Variants in FOCAD observed in about 807,000 individuals in gnomAD.
FOCAD encodes KIAA1797.
A neutral mutation model predicts 225.6 loss-of-function variants in FOCAD; 198 were observed. The observed-to-expected ratio is 0.88, with a 90% CI of 0.78 to 0.99. The LOEUF (loss-of-function observed/expected upper bound fraction) is 0.99, where lower values mean the gene tolerates loss of function less well. Ranked by LOEUF, FOCAD falls within the 50% of genes least tolerant of loss-of-function variation. FOCAD has a pLI of 0.00. For synonymous variants in FOCAD, 897 were observed against 755.0 expected (o/e 1.19, Z -3.08); for missense variants, 2,713 against 2,123.6 (o/e 1.28, Z -5.46).
At chr9:20,968,431 C>CTTTTTTTTTTTTTT (rs35624897) in intron 35 of FOCAD, among the ~76,000 whole-genome samples, 4 of 43,636 alleles carry the variant, frequency 9.2e-5, no homozygotes, top group African/African-American at 1.7e-4. Context: ...TTTTCTTATT[C>CTTTTTTTTTTTTTT]TTTTTTTTTT....
intron 10 of FOCAD, among the ~76,000 whole-genome samples, chr9:20,786,700 T>C (rs1383673532): frequency 6.6e-6 from 1 of 152,236 alleles, no homozygotes; most frequent in East Asian, 1.9e-4. Flanking sequence ...AGAAGTACTA[T>C]CAGATGTTTA....
chr9:20,756,339 G>T (rs576076078), intron 5 of FOCAD, among the ~76,000 whole-genome samples: 6 of 152,214 alleles, frequency 3.9e-5, no homozygotes, highest in African/African-American at 1.4e-4. Flanking sequence ...AAACTGTGTG[G>T]TAGTGTCAGA....
chr9:20,890,470 A>G (rs1831519154), intron 21 of FOCAD, among the ~76,000 whole-genome samples: 1 of 150,872 alleles, frequency 6.6e-6, no homozygotes. Flanking sequence ...TGTTGATATG[A>G]TTACTTATTT....
chr9:20,949,542 A>G, intron 32 of FOCAD, 62 bp from the exon 33 acceptor site: 3 of 1,224,948 alleles, frequency 2.4e-6, no homozygotes, highest in Non-Finnish European at 1.2e-6. Flanking sequence ...ATGCACCGGG[A>G]ATATAACTCT....
chr9:20,815,571 C>G (rs1823644095), intron 11 of FOCAD, among the ~76,000 whole-genome samples: 1 of 144,896 alleles, frequency 6.9e-6, no homozygotes, highest in South Asian at 2.5e-4. Context: ...TCCCTTCTTG[C>G]TGGCAAGATT....
chr9:20,949,175 C>G (rs371992380), intron 32 of FOCAD, among the ~76,000 whole-genome samples: 17 of 152,218 alleles, frequency 1.1e-4, no homozygotes, highest in East Asian at 9.6e-4. Context: ...GTGCTCTCCA[C>G]AAATTTCCCT....
chr9:20,957,673 C>CTTTTTTTTTTTTT (rs775116988), intron 35 of FOCAD: 1 of 38,422 alleles, frequency 2.6e-5, no homozygotes, highest in African/African-American at 1.1e-4. Flanking sequence ...ATCTCTCTCT[C>CTTTTTTTTTTTTT]TTTTTTTTTT....
rs1286395652 is a variant in FOCAD at position 20,912,930 on chromosome 9, AC to A, written c.2784del (p.Tyr928Ter). 2 of 1,613,026 alleles carry A rather than the reference AC, an allele frequency of 1.2e-6. No individual in the cohort carries two copies. Among genetic ancestry groups the A allele is most frequent in the African/African-American group, 2.7e-5 (2 of 74,866 alleles). On this transcript the variant is annotated frameshift_variant, in exon 23 of 44. Coordinates refer to ENST00000338382, the MANE Select transcript of FOCAD (RefSeq NM_001375567.1). LOFTEE classifies it high-confidence loss of function. ...HGKEEPEEVQYKKSTAWLWVR... is the reference protein window; with the variant it reads ...HGKEEPEEVQXKKSTAWLWVR... ...AAAGAAGAACCTGAGGAGGTGCAGT[AC>A]AAAAAAAGCACAGCCTGGCTCTGGT...
At chr9:20,752,415 A>T (rs932750518) in intron 5 of FOCAD, among the ~76,000 whole-genome samples, 16 of 152,056 alleles carry the variant, frequency 1.1e-4, no homozygotes, top group Admixed American at 9.8e-4. Flanking sequence ...TTAAATAGGG[A>T]ATCCTTTCCC....
Position 20,982,401 on chromosome 9 carries a change from A to G in FOCAD, c.4683A>G (p.Leu1561=), listed in dbSNP as rs1183291939. 1.2e-6 allele frequency: 2 copies of G among 1,614,000 alleles called. No individual in the cohort carries two copies. The highest frequency in any genetic ancestry group is 1.7e-6 in the Non-Finnish European group (2 of 1,179,904). ...ATATCAGCATAGCAAAATGCCTCTT[A>G]GAAATGACAGATGATGATGCCAATC... ...ELYISIAKCL[L]EMTDDDANRI... is the part of the protein sequence containing the mutation. The change falls in exon 39 of 44, where the codon TTA becomes TTG. Residue 1561 remains leucine, a synonymous_variant. Coordinates refer to ENST00000338382, the MANE Select transcript of FOCAD (RefSeq NM_001375567.1).
chr9:20,820,311 C>A lies in FOCAD; in HGVS notation c.1561-13C>A. On this transcript the variant is annotated splice_polypyrimidine_tract_variant and intron_variant, in intron 12 of 43. Transcript: ENST00000338382. The stretch of plus-strand genomic sequence containing the variant: ...CAAGTTTATGCAACTAGAGTTTCTT[C>A]AATATTTTCTAGGTGTGTATAGGAC... 1 of 1,585,736 alleles carries A rather than the reference C, an allele frequency of 6.3e-7. No individual in the cohort carries two copies.
At chr9:20,962,963 A>G (rs1309925082) in intron 35 of FOCAD, among the ~76,000 whole-genome samples, 1 of 152,218 alleles carries the variant, frequency 6.6e-6, no homozygotes, top group Non-Finnish European at 1.5e-5. Flanking sequence ...TCTCTGGGGA[A>G]GGAACTAGTT....
At chr9:20,881,545 A>G (rs907573568) in intron 19 of FOCAD, among the ~76,000 whole-genome samples, 1 of 152,204 alleles carries the variant, frequency 6.6e-6, no homozygotes, top group East Asian at 1.9e-4. Context: ...GAGGAGGACA[A>G]AAGATAATAA....
intron 15 of FOCAD, among the ~76,000 whole-genome samples, 170 bp downstream of exon 15, chr9:20,823,285 A>G (rs1288558232): frequency 6.6e-6 from 1 of 152,110 alleles, no homozygotes; most frequent in Non-Finnish European, 1.5e-5. Context: ...TCTTTCTAGA[A>G]GGGAATCTTG....
At chr9:20,948,481 A>G (rs1837394068) in intron 31 of FOCAD, 88 bp downstream of exon 31, 3 of 1,387,890 alleles carry the variant, frequency 2.2e-6, no homozygotes, top group African/African-American at 1.5e-5. Context: ...TTGCTGAGAT[A>G]TATACGTTAA....
chr9:20,697,690 T>C (rs1823488564), intron 1 of FOCAD, among the ~76,000 whole-genome samples: 1 of 152,242 alleles, frequency 6.6e-6, no homozygotes, highest in African/African-American at 2.4e-5. Flanking sequence ...ATGACTAAAA[T>C]TTTGATTTTC....
intron 35 of FOCAD, among the ~76,000 whole-genome samples, chr9:20,975,105 A>T (rs1587761203): frequency 6.6e-6 from 1 of 151,546 alleles, no homozygotes; most frequent in Non-Finnish European, 1.5e-5. Flanking sequence ...CTTTCTGCTG[A>T]TGCTAATTTC....
At chr9:20,818,914 GA>G (rs1264743045) in intron 11 of FOCAD, among the ~76,000 whole-genome samples, 2 of 152,074 alleles carry the variant, frequency 1.3e-5, no homozygotes, top group African/African-American at 4.8e-5. Flanking sequence ...AAGCCAGCTG[GA>G]ATTTTGATAA....
chr9:20,661,813 ATATACT>A (rs1414135034), intron 2 of FOCAD, among the ~76,000 whole-genome samples: 3 of 152,196 alleles, frequency 2.0e-5, no homozygotes, highest in Non-Finnish European at 2.9e-5. Context: ...TATCCTACAG[ATATACT>A]TAGGCAGGTA....
Sources: allele counts gnomAD v4.1 joint callset (sites outside exome capture counted in the v4.1 genomes callset), GRCh38; gene constraint gnomAD v4.1.1; transcripts MANE v1.5; gene names NCBI Gene and HGNC (gene_info 2026-07-23, HGNC 2026-07-21).